The following C12orf54 variants were observed in gnomAD, a reference collection of about 807,000 sequenced individuals.
C12orf54 encodes chromosome 12 open reading frame 54.
C12orf54 carries 24 observed loss-of-function variants against 26.4 expected under a neutral mutation model. The observed-to-expected ratio is 0.91, with a 90% CI of 0.66 to 1.28. The LOEUF is 1.28. C12orf54 is among the 50% of genes most tolerant of loss of function. The probability of loss-of-function intolerance (pLI) is 0.00; values close to 1 mark genes in which losing one functional copy is unlikely to be tolerated. For missense variants in C12orf54, 154 were observed against 150.9 expected, an observed-to-expected ratio of 1.02 and a Z score of -0.11; for synonymous variants, 54 against 47.0, an observed-to-expected ratio of 1.15 and a Z score of -0.61.
the C12orf54 span, among the ~76,000 whole-genome samples, chr12:48,438,725 C>A: frequency 6.6e-6 from 1 of 152,156 alleles, no homozygotes; most frequent in East Asian, 1.9e-4. Context: ...AAACTGGATC[C>A]CTTCCTTACA....
the C12orf54 span, among the ~76,000 whole-genome samples, chr12:48,471,424 A>T: frequency 2.6e-5 from 4 of 152,110 alleles, no homozygotes; most frequent in African/African-American, 4.8e-5. Flanking sequence ...TCTCTTCTAT[A>T]TACTAATTTC....
the C12orf54 span, among the ~76,000 whole-genome samples, chr12:48,461,893 G>A: frequency 1.3e-3 from 194 of 151,646 alleles, no homozygotes; most frequent in African/African-American, 4.2e-3. Flanking sequence ...AATTATAATG[G>A]ATATCATTGG....
At chr12:48,462,548 TG>T in the C12orf54 span, among the ~76,000 whole-genome samples, 2 of 151,490 alleles carry the variant, frequency 1.3e-5, no homozygotes, top group African/African-American at 4.8e-5. Flanking sequence ...TATAACTAAG[TG>T]GGGTTTACTC....
At position 48,488,492 on chromosome 12, in the gene C12orf54, A is replaced by AG. The variant is rs1163476724; in HGVS notation, c.136-432_136-431insG. On this transcript the variant is annotated intron_variant, in intron 4 of 8. Transcript: ENST00000548364. The stretch of plus-strand genomic sequence containing the variant: ...AATAAACTTACAGCCAAAAAAAAAA[A>AG]AAAGAAAGAAAGAAAAGAAAGTGCC... The AG allele has an allele frequency of 5.2e-4, 199 of 383,620 alleles. 1 individual carries two copies. The highest frequency in any genetic ancestry group is 7.0e-4 in the Non-Finnish European group (144 of 204,416). The allele number at this position is 383,620 out of a possible 1,614,324, so 23.8% of individuals were successfully genotyped here. A position where few individuals can be genotyped will look rare whatever the true frequency, so the allele number is the denominator to read the frequency against.
chr12:48,468,396 A>G, the C12orf54 span, among the ~76,000 whole-genome samples: 1 of 152,200 alleles, frequency 6.6e-6, no homozygotes, highest in African/African-American at 2.4e-5. Context: ...AGGCCTGGAC[A>G]TGGAAGGACT....
the C12orf54 span, among the ~76,000 whole-genome samples, chr12:48,438,182 A>G: frequency 6.6e-6 from 1 of 152,220 alleles, no homozygotes. Context: ...AATACCTAGG[A>G]ATCTAACTTA....
At chr12:48,432,649 C>A in the C12orf54 span, among the ~76,000 whole-genome samples, 1 of 152,156 alleles carries the variant, frequency 6.6e-6, no homozygotes, top group Non-Finnish European at 1.5e-5. Context: ...GTGGGCTGAT[C>A]ACCTGAGATC....
chr12:48,424,354 T>C, the C12orf54 span, among the ~76,000 whole-genome samples: 1 of 152,138 alleles, frequency 6.6e-6, no homozygotes, highest in Non-Finnish European at 1.5e-5. Flanking sequence ...TCCCAAGAAG[T>C]GAATTAGGAA....
the C12orf54 span, among the ~76,000 whole-genome samples, chr12:48,425,860 G>A: frequency 2.6e-5 from 4 of 150,944 alleles, no homozygotes; most frequent in Admixed American, 2.6e-4. Context: ...TATACTTGCT[G>A]GCCACATATA....
rs1052300938 is a variant in C12orf54 at position 48,494,825 on chromosome 12, G to A, written c.270G>A (p.Met90Ile). The change falls in exon 8 of 9, where the codon ATG (methionine) becomes ATA (isoleucine). Residue 90 changes from methionine (M) to isoleucine (I), a missense_variant. Met to Ile is a conservative substitution (Grantham distance 10). Coordinates refer to ENST00000548364, the MANE Select transcript of C12orf54 (RefSeq NM_152319.4). ...TGSIRPPDSL[M>I]TPKLRRLQFS... ...GCATAAGGCCTCCAGATTCCTTGAT[G>A]ACCCCAAAGTTGAGAAGATTGCAGT... The A allele has an allele frequency of 1.2e-6, 2 of 1,613,910 alleles. No individual in the cohort carries two copies. Among genetic ancestry groups the A allele is most frequent in the Non-Finnish European group, 1.7e-6 (2 of 1,179,810 alleles).
the C12orf54 span, among the ~76,000 whole-genome samples, chr12:48,443,397 G>A: frequency 1.3e-5 from 2 of 152,202 alleles, no homozygotes; most frequent in South Asian, 2.1e-4. Context: ...CATGAGGCGA[G>A]CAGATTTGGT....
chr12:48,429,992 GAACCCAGAAATA>G, the C12orf54 span, among the ~76,000 whole-genome samples: 9 of 152,166 alleles, frequency 5.9e-5, no homozygotes, highest in Non-Finnish European at 1.0e-4. Flanking sequence ...ACAGAATAAA[GAACCCAGAAATA>G]AACCCAAATA....
chr12:48,436,363 T>C, the C12orf54 span, among the ~76,000 whole-genome samples: 3 of 152,056 alleles, frequency 2.0e-5, no homozygotes, highest in Admixed American at 6.6e-5. Context: ...GACAGAAAGT[T>C]AACAAGGATA....
At chr12:48,442,217 G>A in the C12orf54 span, 1 of 203,102 alleles carries the variant, frequency 4.9e-6, no homozygotes, top group South Asian at 1.1e-4. Context: ...AATCACTGCA[G>A]TGAGGTGGGA....
At chr12:48,464,136 G>A in the C12orf54 span, among the ~76,000 whole-genome samples, 1 of 151,902 alleles carries the variant, frequency 6.6e-6, no homozygotes, top group African/African-American at 2.4e-5. Context: ...GAAGTCAAAC[G>A]ATCTTTGTTT....
chr12:48,419,025 A>G, the C12orf54 span, among the ~76,000 whole-genome samples: 2 of 152,118 alleles, frequency 1.3e-5, no homozygotes, highest in Non-Finnish European at 2.9e-5. Flanking sequence ...CAGCAGAAAT[A>G]TCAATGTTCT....
At chr12:48,456,685 C>T in the C12orf54 span, among the ~76,000 whole-genome samples, 1 of 152,196 alleles carries the variant, frequency 6.6e-6, no homozygotes, top group African/African-American at 2.4e-5. Context: ...GAGATGTTCA[C>T]ATAACATTTA....
chr12:48,495,036 A>G (rs1189901471), intron 8 of C12orf54, 57 bp downstream of exon 8: 1 of 1,358,510 alleles, frequency 7.4e-7, no homozygotes, highest in Admixed American at 1.9e-5. Context: ...TGTGGTAGTC[A>G]GGAACCCAGG....
chr12:48,473,275 G>A, the C12orf54 span: 14 of 1,081,252 alleles, frequency 1.3e-5, no homozygotes, highest in East Asian at 3.5e-4. Flanking sequence ...GAGGACGTGA[G>A]TGGAGACGAG....
Sources: gnomAD v4.1 joint callset for allele counts (sites outside exome capture counted in the v4.1 genomes callset) on GRCh38, gnomAD v4.1.1 for gene constraint, MANE v1.5 for transcripts, NCBI Gene and HGNC (gene_info 2026-07-23, HGNC 2026-07-21) for gene names.